TTC39A: variants seen among roughly 807,000 people sequenced by gnomAD.
The protein encoded by TTC39A is tetratricopeptide repeat protein 39A.
In TTC39A, 46 loss-of-function variants were observed where a neutral mutation model predicts 82.3. The observed-to-expected ratio is 0.56, with a 90% CI of 0.44 to 0.71. The LOEUF (loss-of-function observed/expected upper bound fraction) is 0.71. Ranked by LOEUF, TTC39A falls within the 30% of genes least tolerant of loss-of-function variation. The pLI, the probability that TTC39A is intolerant of heterozygous loss-of-function variation, is 0.00. For missense variants in TTC39A, 543 were observed against 712.9 expected (o/e 0.76, Z 2.71); for synonymous variants, 254 against 275.2 (o/e 0.92, Z 0.76).
chr1:51,335,933 T>C (rs1055249575), upstream of TTC39A, among the ~76,000 whole-genome samples: 4 of 152,154 alleles, frequency 2.6e-5, no homozygotes, highest in African/African-American at 9.7e-5. Context: ...AGGGATGCTG[T>C]GCAGATTACT....
At chr1:51,328,736 G>T (rs1278677169) in intron 1 of TTC39A, among the ~76,000 whole-genome samples, 6 of 152,170 alleles carry the variant, frequency 3.9e-5, no homozygotes, top group African/African-American at 1.4e-4. Context: ...GGTGGCAAGG[G>T]TTTGTGAGTT....
At chr1:51,312,541 C>T (rs774471285) in intron 3 of TTC39A, among the ~76,000 whole-genome samples, 2 of 152,146 alleles carry the variant, frequency 1.3e-5, no homozygotes, top group Non-Finnish European at 2.9e-5. Context: ...AATGTCTCTT[C>T]GTGTCCAGCC....
In TTC39A at chr1:51,288,288, T is replaced by G; in HGVS notation, c.1611-8A>C. ...TAATTCTTGTAGTTTTGCCTGGAAT[T>G]GAGCAGCGAATCAGACACATGAGGC... On this transcript the variant is annotated splice_region_variant and splice_polypyrimidine_tract_variant and intron_variant, in intron 17 of 17. Coordinates refer to ENST00000680483, the MANE Select transcript of TTC39A (RefSeq NM_001297663.2). The surrounding 1 kb of genome is among the most constrained non-coding windows in gnomAD (Gnocchi z 4.8). The G allele has an allele frequency of 6.2e-7, 1 of 1,613,992 alleles. No individual in the cohort carries two copies.
intron 2 of TTC39A, among the ~76,000 whole-genome samples, chr1:51,317,922 C>G (rs181883169): frequency 5.3e-4 from 81 of 152,264 alleles, no homozygotes; most frequent in Non-Finnish European, 2.8e-4. Context: ...CTTTGGCGAT[C>G]CTGAGTGCTA....
At chr1:51,331,742 C>T, upstream of TTC39A, 3 of 985,428 alleles carry the variant, frequency 3.0e-6, no homozygotes, top group Non-Finnish European at 3.6e-6. Flanking sequence ...GTCTCATATA[C>T]AGGCACGAAA....
At chr1:51,309,196 G>C in intron 6 of TTC39A, 65 bp downstream of exon 6, 2 of 1,523,146 alleles carry the variant, frequency 1.3e-6, no homozygotes, top group Non-Finnish European at 1.8e-6. Flanking sequence ...GCCGCCTGAG[G>C]GGGACAGCCT....
intron 2 of TTC39A, among the ~76,000 whole-genome samples, chr1:51,318,418 C>T (rs1645374346): frequency 6.6e-6 from 1 of 152,194 alleles, no homozygotes; most frequent in South Asian, 2.1e-4. Flanking sequence ...CCTGACCCAC[C>T]CAGCCTGACC....
Position 51,321,838 on chromosome 1 carries a change from A to ATGC in TTC39A, c.42-16_42-14dup. On this transcript the variant is annotated splice_polypyrimidine_tract_variant and intron_variant, in intron 1 of 17. Transcript: ENST00000680483. This position sits in a 1 kb window ranked among gnomAD's most constrained non-coding sequence, Gnocchi z 4.6. ...GCTCTCAGGAGTCCTGGGGGAAGAG[A>ATGC]TGCGGGGCATGACACAGGGGCCCTC... The ATGC allele has an allele frequency of 6.2e-7, 1 of 1,608,450 alleles. No homozygotes were observed. Among genetic ancestry groups the ATGC allele is most frequent in the Non-Finnish European group, 8.5e-7 (1 of 1,176,794 alleles).
Position 51,312,823 on chromosome 1 carries a change from C to T in TTC39A, c.267G>A (p.Met89Ile), listed in dbSNP as rs1645135511. 6.2e-7 allele frequency: 1 copy of T among 1,613,730 alleles called. No individual in the cohort carries two copies. The highest frequency in any genetic ancestry group is 8.5e-7 in the Non-Finnish European group (1 of 1,179,696). The change falls in exon 3 of 18, where the codon ATG becomes ATA. Residue 89 changes from methionine to isoleucine, a missense_variant. Coordinates refer to ENST00000680483, the MANE Select transcript of TTC39A (RefSeq NM_001297663.2). The part of the protein sequence containing the change: ...LAGNMMKEAQ[M>I]LCQRHRRKSS... ...CCAATGCCCCCAACCTCTGACACAG[C>T]ATCTGTGCCTCCTTCATCATGTTGC...
At position 51,303,144 on chromosome 1, in the gene TTC39A, G is replaced by T; in HGVS notation, c.703C>A (p.Arg235Ser). 1 of 1,587,940 alleles carries T rather than the reference G, an allele frequency of 6.3e-7. No homozygotes were observed. The highest frequency in any genetic ancestry group is 8.6e-7 in the Non-Finnish European group (1 of 1,168,418). ...AGGAGCATGACACAGAGCACAGAGC[G>T]GAAGCTGTGCCCTGACGCTCCCTCC... ...LEEGASGHSF[R>S]SVLCVMLLLC... The change falls in exon 9 of 18, where the codon CGC (arginine) becomes AGC (serine). Residue 235 changes from arginine (R) to serine (S), a missense_variant. Arg to Ser is a moderately radical substitution (Grantham distance 110). Transcript: ENST00000680483.
upstream of TTC39A, chr1:51,330,652 C>T (rs1645883358): frequency 2.0e-6 from 2 of 982,324 alleles, no homozygotes; most frequent in Non-Finnish European, 2.4e-6. The surrounding 1 kb of genome is among the most constrained non-coding windows in gnomAD (Gnocchi z 4.5). Flanking sequence ...CCACCCGCAC[C>T]GTAGGGCCAT....
At chr1:51,297,160 T>C (rs1644464801) in intron 12 of TTC39A, 2 of 151,246 alleles carry the variant, frequency 1.3e-5, no homozygotes, top group Admixed American at 6.6e-5. Context: ...GGAAAGCTGG[T>C]CTTCGTGGGC....
rs1029638683 is a variant in TTC39A at position 51,288,769 on chromosome 1, C to A, written c.1610+70G>T. 4 of 1,456,086 alleles carry A rather than the reference C, an allele frequency of 2.7e-6. No individual in the cohort carries two copies. The African/African-American group carries it at 4.2e-5, about 15-fold the overall frequency. 90.2% of individuals were successfully genotyped at this position (1,456,086 alleles called of 1,614,324 possible). On this transcript the variant is annotated intron_variant, in intron 17 of 17. Coordinates refer to ENST00000680483, the MANE Select transcript of TTC39A (RefSeq NM_001297663.2). The surrounding 1 kb of genome is among the most constrained non-coding windows in gnomAD (Gnocchi z 4.8). ...TCCACTCACTGCTCTCTGGGCAACT[C>A]TGTCCCCAGCCAGCTCCTGAGCTGA... is the stretch of plus-strand genomic sequence containing the variant.
rs966344948 is a variant in TTC39A, at chr1:51,310,008, T to TA, written c.424-684dup. ...TGAGTACAAAGCTGAGAAAGCTATT[T>TA]AAAAAAAAAATAGAGTAGGGCCAAG... On this transcript the variant is annotated intron_variant, in intron 5 of 17. Coordinates refer to ENST00000680483, the MANE Select transcript of TTC39A (RefSeq NM_001297663.2). 3.7e-3 allele frequency among the ~76,000 whole-genome samples: 556 copies of TA among 149,726 alleles called. 1 individual carries two copies. Among genetic ancestry groups the TA allele is most frequent in the Non-Finnish European group, 6.5e-3 (435 of 67,164 alleles).
intron 4 of TTC39A, 44 bp from the exon 5 acceptor site, chr1:51,311,365 G>A: frequency 6.6e-7 from 1 of 1,525,324 alleles, no homozygotes. Flanking sequence ...TGGGACTCTA[G>A]TCAGGAGGCC....
intron 14 of TTC39A, among the ~76,000 whole-genome samples, chr1:51,293,904 G>C (rs1644314043): frequency 6.6e-6 from 1 of 152,238 alleles, no homozygotes. Flanking sequence ...TACTCAGAGG[G>C]TTGATGTGAG....
intron 1 of TTC39A, among the ~76,000 whole-genome samples, chr1:51,323,825 A>G (rs1334129616): frequency 2.0e-5 from 3 of 151,974 alleles, no homozygotes; most frequent in Non-Finnish European, 4.4e-5. Flanking sequence ...AATTATTTCT[A>G]TTCTATATCT....
chr1:51,323,880 T>C (rs779354067), intron 1 of TTC39A, among the ~76,000 whole-genome samples: 10 of 152,206 alleles, frequency 6.6e-5, no homozygotes, highest in South Asian at 2.1e-4. Context: ...AATTCTGCTC[T>C]TTCTTGTTTC....
intron 11 of TTC39A, chr1:51,302,044 G>A: frequency 1.4e-6 from 1 of 708,910 alleles, no homozygotes; most frequent in Non-Finnish European, 2.6e-6. Context: ...TAATCGTCAT[G>A]CCCTAAACAG....
Sources: gnomAD v4.1 joint callset for allele counts (sites outside exome capture counted in the v4.1 genomes callset) on GRCh38, gnomAD v4.1.1 for gene constraint, Gnocchi (gnomAD v3.1) non-coding constraint, MANE v1.5 for transcripts, NCBI Gene and HGNC (gene_info 2026-07-23, HGNC 2026-07-21) for gene names.